The following HMGB3 variants were observed in gnomAD, a reference collection of about 807,000 sequenced individuals.
HMGB3 encodes high mobility group box 3.
A neutral mutation model predicts 12.9 loss-of-function variants in HMGB3; 1 was observed. That is an observed-to-expected ratio of 0.08 (90% CI 0.03 to 0.37). The LOEUF (loss-of-function observed/expected upper bound fraction) is 0.37. Among genes scored for constraint, HMGB3 ranks in the 10% least tolerant of loss-of-function variants. The pLI, the probability that HMGB3 is intolerant of heterozygous loss-of-function variation, is 0.99. For missense variants in HMGB3, 74 were observed against 153.3 expected, an observed-to-expected ratio of 0.48 and a Z score of 2.73; for synonymous variants, 61 against 53.9, an observed-to-expected ratio of 1.13 and a Z score of -0.57.
upstream of HMGB3, among the ~76,000 whole-genome samples, chrX:150,982,604 C>T (rs964640928): frequency 3.5e-5 from 4 of 113,029 alleles, no homozygotes; most frequent in African/African-American, 1.3e-4. Context: ...ATTCTCTGCT[C>T]TTGCCAAATT....
Position 150,990,385 on chromosome X carries a change from C to G in HMGB3, c.*2471C>G, listed in dbSNP as rs1557425363. On this transcript the variant is annotated 3_prime_UTR_variant, in exon 5 of 5. Transcript: ENST00000325307. ...CCACTTGGTCCATTAGCTGGGGCAG[C>G]AAGATCACTACTCAACGTTTTCACA... 1 of 111,863 alleles carries G rather than the reference C, an allele frequency of 8.9e-6. No individual in the cohort carries two copies. Among genetic ancestry groups the G allele is most frequent in the Admixed American group, 9.5e-5 (1 of 10,498 alleles). 9.2% of individuals were successfully genotyped at this position (111,863 alleles called of 1,213,427 possible).
At chrX:150,987,703 G>GA in intron 4 of HMGB3, 74 bp from the exon 5 acceptor site, 4 of 791,270 alleles carry the variant, frequency 5.1e-6, no homozygotes, top group Non-Finnish European at 7.5e-6. Flanking sequence ...TCTTACCTGA[G>GA]ATGAGGACTG....
Position 150,989,433 on chromosome X carries a change from T to G in HMGB3, c.*1519T>G, listed in dbSNP as rs1273857834. On this transcript the variant is annotated 3_prime_UTR_variant, in exon 5 of 5. Transcript: ENST00000325307. ...CCATTTCTGAGCACTAAATGTATCA[T>G]GAAAAGTTGAATGGCCTGCTCATAA... 1.8e-5 allele frequency: 2 copies of G among 111,923 alleles called. No individual in the cohort carries two copies. Among genetic ancestry groups the G allele is most frequent in the Non-Finnish European group, 3.8e-5 (2 of 53,200 alleles). The allele number at this position is 111,923 out of a possible 1,213,427, so 9.2% of individuals were successfully genotyped here.
rs782021512 is a variant in HMGB3 at position 150,987,884 on chromosome X, A to AGAG, written c.594_596dup (p.Glu198dup). 1.4e-4 allele frequency: 161 copies of AGAG among 1,177,078 alleles called. No individual in the cohort carries two copies. Among genetic ancestry groups the AGAG allele is most frequent in the South Asian group, 4.5e-4 (25 of 55,460 alleles). ...AAGATGAAGAAGAGGAGGAGGAAGA[A>AGAG]GAGGAGGAGGAGGAGGAGGAGGATG... On this transcript the variant is annotated inframe_insertion, in exon 5 of 5. Coordinates refer to ENST00000325307, the MANE Select transcript of HMGB3 (RefSeq NM_005342.4).
chrX:150,984,572 C>A (rs1339003453), intron 1 of HMGB3: 13 of 744,520 alleles, frequency 1.7e-5, no homozygotes, highest in Non-Finnish European at 2.1e-5. Flanking sequence ...GGGATGACAG[C>A]GGCGGATTTC....
chrX:150,983,283 A>G, upstream of HMGB3: 1 of 755,164 alleles, frequency 1.3e-6, no homozygotes, highest in Non-Finnish European at 1.6e-6. Context: ...CCGCTGGCCA[A>G]TCAGGCGGCT....
intron 1 of HMGB3, among the ~76,000 whole-genome samples, chrX:150,984,837 G>T (rs1219203679): frequency 8.9e-6 from 1 of 112,148 alleles, no homozygotes; most frequent in Non-Finnish European, 1.9e-5. Context: ...CGGGAAGCTG[G>T]GGGGTGGGAC....
chrX:150,983,156 C>G (rs2048003532), upstream of HMGB3: 1 of 365,774 alleles, frequency 2.7e-6, no homozygotes, highest in African/African-American at 2.8e-5. Context: ...GCCGGCGGGT[C>G]GTTCTGTTTG....
rs1245643883 is a variant in HMGB3 at position 150,990,257 on chromosome X, CTT to C, written c.*2346_*2347del. 2 of 112,180 alleles carry C rather than the reference CTT, an allele frequency of 1.8e-5. No individual in the cohort carries two copies. The highest frequency in any genetic ancestry group is 6.5e-5 in the African/African-American group (2 of 30,864). The allele number at this position is 112,180 out of a possible 1,213,427, so 9.2% of individuals were successfully genotyped here. A position where few individuals can be genotyped will look rare whatever the true frequency, so the allele number is the denominator to read the frequency against. On this transcript the variant is annotated 3_prime_UTR_variant, in exon 5 of 5. Coordinates refer to ENST00000325307, the MANE Select transcript of HMGB3 (RefSeq NM_005342.4). ...AAGGGCCAAGGATGGAAAGGGGTAA[CTT>C]TTGTGCTTCCAAAGTAGCTAAGCAG...
chrX:150,984,445 C>T, intron 1 of HMGB3: 1 of 110,885 alleles, frequency 9.0e-6, no homozygotes, highest in Non-Finnish European at 1.8e-5. Context: ...GCCATTTTAG[C>T]GAGTGGGACT....
At chrX:150,986,646 C>T (rs1479629337) in intron 3 of HMGB3, among the ~76,000 whole-genome samples, 6 of 111,122 alleles carry the variant, frequency 5.4e-5, no homozygotes, top group African/African-American at 2.0e-4. Flanking sequence ...TGCATACACA[C>T]ACACACGCAT....
intron 1 of HMGB3, 25 bp downstream of exon 1, chrX:150,983,401 GCC>G: frequency 3.0e-4 from 1 of 3,291 alleles, no homozygotes; most frequent in East Asian, 0.059. Flanking sequence ...GCCCGCTCCC[GCC>G]GCCGCCGCCG....
In HMGB3 at chrX:150,983,365, C is replaced by T. The variant is rs1455008983; in HGVS notation, c.-17C>T. ...TCGTGCCCTGCGCTGCCCAGACTAG[C>T]GAACAATACAGGTACGTCTCGCACC... On this transcript the variant is annotated 5_prime_UTR_variant, in exon 1 of 5. Coordinates refer to ENST00000325307, the MANE Select transcript of HMGB3 (RefSeq NM_005342.4). The T allele has an allele frequency of 2.4e-5, 18 of 754,832 alleles. No individual in the cohort carries two copies. In the African/African-American group the frequency reaches 4.2e-4, roughly 18 times the overall value. 62.2% of individuals were successfully genotyped at this position (754,832 alleles called of 1,213,427 possible). A position where few individuals can be genotyped will look rare whatever the true frequency, so the allele number is the denominator to read the frequency against.
chrX:150,986,211 A>G, intron 3 of HMGB3, 21 bp downstream of exon 3: 2 of 1,135,623 alleles, frequency 1.8e-6, no homozygotes, highest in Admixed American at 5.4e-5. Context: ...ATAGGATTCA[A>G]GATAACAATT....
chrX:150,984,906 CG>C (rs1431651501), intron 1 of HMGB3, among the ~76,000 whole-genome samples: 12 of 112,230 alleles, frequency 1.1e-4, no homozygotes, highest in Non-Finnish European at 1.9e-4. Context: ...AAAGTGTTCT[CG>C]GCTGGACCTG....
At chrX:150,981,072 G>T (rs1052015022), upstream of HMGB3, among the ~76,000 whole-genome samples, 12 of 110,877 alleles carry the variant, frequency 1.1e-4, 1 homozygote, top group Non-Finnish European at 2.1e-4. Flanking sequence ...TGGAAACCCT[G>T]CTCCCCTCTA....
intron 2 of HMGB3, 51 bp from the exon 3 acceptor site, chrX:150,986,000 T>C (rs1202484212): frequency 8.6e-7 from 1 of 1,157,744 alleles, no homozygotes; most frequent in African/African-American, 1.8e-5. Flanking sequence ...AGAAACTGAA[T>C]AGGTATGTGT....
chrX:150,986,179 CA>C lies in HMGB3; in HGVS notation c.283del (p.Arg95GlyfsTer40). On this transcript the variant is annotated frameshift_variant, in exon 3 of 5. Transcript: ENST00000325307. LOFTEE classifies it high-confidence loss of function. ...GKKKKDPNAPKRPPSGFFLFC... is the reference protein window; with the variant it reads ...GKKKKDPNAPXRPPSGFFLFC... ...AGAAGAAGAAGGATCCTAATGCTCC[CA>C]AAAGGCCACCGTAAGTGACTATAGG... The C allele has an allele frequency of 8.4e-7, 1 of 1,185,077 alleles. No individual in the cohort carries two copies. The highest frequency in any genetic ancestry group is 1.1e-6 in the Non-Finnish European group (1 of 881,923).
intron 3 of HMGB3, 110 bp from the exon 4 acceptor site, chrX:150,987,018 T>G (rs1327841785): frequency 2.6e-5 from 14 of 545,145 alleles, no homozygotes; most frequent in Admixed American, 2.0e-4. Context: ...TTACTTCACT[T>G]TAGGGAGAAG....
Sources: allele counts gnomAD v4.1 joint callset (sites outside exome capture counted in the v4.1 genomes callset), GRCh38; gene constraint gnomAD v4.1.1; transcripts MANE v1.5; gene names NCBI Gene and HGNC (gene_info 2026-07-23, HGNC 2026-07-21).